GRHL3: variants seen among roughly 807,000 people sequenced by gnomAD.
The protein encoded by GRHL3 is grainyhead like transcription factor 3.
GRHL3 carries 20 observed loss-of-function variants against 70.3 expected under a neutral mutation model. That is an observed-to-expected ratio of 0.28 (90% confidence interval 0.20 to 0.41). GRHL3 has a LOEUF of 0.41. GRHL3 is among the 10% of genes least tolerant of loss of function. The pLI is 1.00. For synonymous variants in GRHL3, 299 were observed against 299.9 expected (o/e 1.00, Z 0.03); for missense variants, 637 against 762.3 (o/e 0.84, Z 1.94).
At chr1:24,336,399 G>T in intron 3 of GRHL3, 83 bp from the exon 4 acceptor site, 2 of 846,470 alleles carry the variant, frequency 2.4e-6, no homozygotes, top group Non-Finnish European at 3.8e-6. Context: ...AAAGGCCAGT[G>T]TGTCAGTTGC....
rs374225670 is a variant in GRHL3 at position 24,337,751 on chromosome 1, G to C, written c.802G>C (p.Gly268Arg). 5.6e-6 allele frequency: 9 copies of C among 1,614,124 alleles called. No individual in the cohort carries two copies. In the African/African-American group the frequency reaches 1.2e-4, roughly 22 times the overall value. Residue 268 changes from glycine (G) to arginine (R), a missense_variant, in exon 6 of 16, where the codon GGT (glycine) becomes CGT (arginine). Physicochemically the swap from Gly to Arg is moderately radical, Grantham distance 125 (BLOSUM62 -2). Transcript: ENST00000361548. ...FYPVTLRTPA[G>R]GKGLALSSNK... ...CCCCGTCACCCTGCGGACCCCAGCA[G>C]GTGGCAAAGGCCTTGCCTTGTCCTC... is the stretch of plus-strand genomic sequence containing the variant.
At chr1:24,347,583 G>A in intron 14 of GRHL3, 30 bp downstream of exon 14, 2 of 1,534,534 alleles carry the variant, frequency 1.3e-6, no homozygotes, top group Non-Finnish European at 9.0e-7. Flanking sequence ...CGCCCCCCAT[G>A]GCAGACCCCC....
At chr1:24,356,251 T>C (rs1640714894), downstream of GRHL3, among the ~76,000 whole-genome samples, 1 of 150,464 alleles carries the variant, frequency 6.6e-6, no homozygotes, top group African/African-American at 2.5e-5. Flanking sequence ...ATCTTTTTTT[T>C]TGTTTTTTTG....
chr1:24,343,435 G>A (rs1026529340), intron 11 of GRHL3, among the ~76,000 whole-genome samples: 1 of 152,150 alleles, frequency 6.6e-6, no homozygotes, highest in Non-Finnish European at 1.5e-5. Flanking sequence ...CAATAATAAT[G>A]TCTCCCTGGA....
intron 1 of GRHL3, among the ~76,000 whole-genome samples, chr1:24,325,127 T>C (rs998252057): frequency 6.6e-6 from 1 of 152,196 alleles, no homozygotes; most frequent in Admixed American, 6.5e-5. Context: ...GGGTGGCTCA[T>C]GGCAGGATTT....
chr1:24,346,704 C>A, intron 13 of GRHL3, 63 bp downstream of exon 13: 1 of 1,311,188 alleles, frequency 7.6e-7, no homozygotes, highest in Non-Finnish European at 1.1e-6. Flanking sequence ...CCCTCATGGG[C>A]TTTCCCAAAG....
At chr1:24,361,462 C>T (rs1641110761) in intron 15 of GRHL3, among the ~76,000 whole-genome samples, 1 of 152,064 alleles carries the variant, frequency 6.6e-6, no homozygotes, top group African/African-American at 2.4e-5. Flanking sequence ...CTCATATGGA[C>T]TCAATGGGAA....
Position 24,343,039 on chromosome 1 carries a change from TG to T in GRHL3, c.1419+18del. On this transcript the variant is annotated intron_variant, in intron 11 of 15. Coordinates refer to ENST00000361548, the MANE Select transcript of GRHL3 (RefSeq NM_198173.3). ...CGCTCTGGAGGGGTGAGGCCAGGGC[TG>T]GGGTCTCGGGAAGGAGCCGAGAGAG... The T allele has an allele frequency of 6.2e-6, 10 of 1,613,752 alleles. No individual in the cohort carries two copies. The highest frequency in any genetic ancestry group is 1.1e-5 in the South Asian group (1 of 91,058).
At chr1:24,327,842 T>C (rs1423063952) in intron 1 of GRHL3, among the ~76,000 whole-genome samples, 1 of 152,224 alleles carries the variant, frequency 6.6e-6, no homozygotes, top group Non-Finnish European at 1.5e-5. Context: ...TACTGGCTCC[T>C]CAATCCTTAT....
At chr1:24,347,615 C>T in intron 14 of GRHL3, 62 bp downstream of exon 14, 1 of 1,272,170 alleles carries the variant, frequency 7.9e-7, no homozygotes, top group South Asian at 1.2e-5. Context: ...GTCCCCACTC[C>T]TCACCACGCA....
In GRHL3 at chr1:24,354,953, CTTGA is replaced by C. The variant is rs1640659411; in HGVS notation, c.*468_*471del. The C allele has an allele frequency of 6.4e-6, 1 of 156,036 alleles. No homozygotes were observed. Among genetic ancestry groups the C allele is most frequent in the Non-Finnish European group, 1.4e-5 (1 of 70,206 alleles). 9.7% of individuals were successfully genotyped at this position (156,036 alleles called of 1,614,324 possible). A position where few individuals can be genotyped will look rare whatever the true frequency, so the allele number is the denominator to read the frequency against. On this transcript the variant is annotated 3_prime_UTR_variant, in exon 16 of 16. Coordinates refer to ENST00000361548, the MANE Select transcript of GRHL3 (RefSeq NM_198173.3). ...CCTTTGGTCAGTTAACTTGAAAACT[CTTGA>C]TTTTCAGTGCAAATGACTTTTAAAA...
In GRHL3 at chr1:24,342,134, G is replaced by C. The variant is rs1372169936; in HGVS notation, c.1067G>C (p.Cys356Ser). The C allele has an allele frequency of 6.2e-7, 1 of 1,601,246 alleles. No homozygotes were observed. Among genetic ancestry groups the C allele is most frequent in the Non-Finnish European group, 8.5e-7 (1 of 1,173,320 alleles). Reference sequence around the variant, plus strand: ...CTCCAGGTGTTCATCGGCGTAAACTGTCTGAGCACAGACTTTTCCTCACAA... The same window carrying C: ...CTCCAGGTGTTCATCGGCGTAAACTCTCTGAGCACAGACTTTTCCTCACAA... ...EEAKVFIGVN[C>S]LSTDFSSQKG... is the part of the protein sequence containing the mutation. The change falls in exon 9 of 16, where the codon TGT becomes TCT. Residue 356 changes from cysteine (C) to serine (S), a missense_variant. Cys to Ser is a moderately radical substitution (Grantham distance 112, BLOSUM62 -1). Coordinates refer to ENST00000361548, the MANE Select transcript of GRHL3 (RefSeq NM_198173.3). This position sits in a 1 kb window ranked among gnomAD's most constrained non-coding sequence, Gnocchi z 4.8.
chr1:24,350,713 T>C lies in GRHL3; in HGVS notation c.1694+591T>C, dbSNP rs531744035. On this transcript the variant is annotated intron_variant, in intron 15 of 15. Coordinates refer to ENST00000361548, the MANE Select transcript of GRHL3 (RefSeq NM_198173.3). ...GATGAGTCTGGAAAAGGAGTTGTGA[T>C]TGGGAGTCATTTTGAGGGAATCCAG... Among the ~76,000 whole-genome samples, 3 of 152,226 alleles carry C rather than the reference T, an allele frequency of 2.0e-5. No homozygotes were observed. The South Asian group carries it at 6.2e-4, about 32-fold the overall frequency.
At chr1:24,328,601 G>T (rs957006424) in intron 1 of GRHL3, among the ~76,000 whole-genome samples, 1 of 152,200 alleles carries the variant, frequency 6.6e-6, no homozygotes, top group Non-Finnish European at 1.5e-5. Flanking sequence ...CAGCATCAAA[G>T]CTGATAATGG....
rs773199434 is a variant in GRHL3 at position 24,336,695 on chromosome 1, G to A, written c.480G>A (p.Val160=). The A allele has an allele frequency of 4.5e-5, 72 of 1,614,010 alleles. No homozygotes were observed. Among genetic ancestry groups the A allele is most frequent in the Non-Finnish European group, 5.9e-5 (70 of 1,180,014 alleles). The part of the protein sequence containing the change: ...AGPSKLEAGS[V]DSYLLPTTDM... ...CCAGCAAGCTGGAGGCCGGCTCTGTGGACAGCTACCTGTTACCCACCACTG... is the reference window on the plus strand; with the variant it reads ...CCAGCAAGCTGGAGGCCGGCTCTGTAGACAGCTACCTGTTACCCACCACTG... Residue 160 remains valine, a synonymous_variant, in exon 4 of 16, where the codon GTG becomes GTA. Coordinates refer to ENST00000361548, the MANE Select transcript of GRHL3 (RefSeq NM_198173.3).
At chr1:24,336,959 T>C in intron 4 of GRHL3, 119 bp from the exon 5 acceptor site, 2 of 1,220,772 alleles carry the variant, frequency 1.6e-6, no homozygotes, top group Admixed American at 1.9e-5. Context: ...GGGATTGCCA[T>C]GTACTATTGT....
chr1:24,337,137 C>T lies in GRHL3; in HGVS notation c.672C>T (p.Tyr224=), dbSNP rs779916210. 5 of 1,613,548 alleles carry T rather than the reference C, an allele frequency of 3.1e-6. No individual in the cohort carries two copies. The Admixed American group carries it at 6.7e-5, about 22-fold the overall frequency. Reference sequence around the variant, plus strand: ...CGGAACCCCCATGTCCAGAGGACTACCCCAGCCTCAAAAGGTAACTTGGTC... The same window carrying T: ...CGGAACCCCCATGTCCAGAGGACTATCCCAGCCTCAAAAGGTAACTTGGTC... ...TSPEPPCPED[Y]PSLKSDFEYT... is the part of the protein sequence containing the mutation. Residue 224 remains tyrosine, a synonymous_variant, in exon 5 of 16, where the codon TAC becomes TAT. Coordinates refer to ENST00000361548, the MANE Select transcript of GRHL3 (RefSeq NM_198173.3).
At chr1:24,363,859 G>A (rs1457673946) in intron 15 of GRHL3, among the ~76,000 whole-genome samples, 3 of 152,132 alleles carry the variant, frequency 2.0e-5, no homozygotes, top group Non-Finnish European at 2.9e-5. Flanking sequence ...AGCTGTTATG[G>A]CAGGAATTGG....
intron 7 of GRHL3, 36 bp downstream of exon 7, chr1:24,338,139 T>G: frequency 7.3e-7 from 1 of 1,377,398 alleles, no homozygotes; most frequent in Non-Finnish European, 1.0e-6. Context: ...CCAGCTCCCC[T>G]CTCTCTCCCC....
Sources: allele counts gnomAD v4.1 joint callset (sites outside exome capture counted in the v4.1 genomes callset), GRCh38; gene constraint gnomAD v4.1.1; non-coding constraint Gnocchi (gnomAD v3.1); transcripts MANE v1.5; gene names NCBI Gene and HGNC (gene_info 2026-07-23, HGNC 2026-07-21).